Variants in ITPR1 observed in about 807,000 individuals in gnomAD.
ITPR1 encodes the protein inositol 1,4,5-trisphosphate receptor type 1, also known as inositol 1,4,5-trisphosphate-gated calcium channel ITPR1.
ITPR1 carries 96 observed loss-of-function variants against 318.4 expected under a neutral mutation model. The observed-to-expected ratio is 0.30, with a 90% CI of 0.26 to 0.36. The LOEUF is 0.36. Among genes scored for constraint, ITPR1 ranks in the 10% least tolerant of loss-of-function variants. ITPR1 has a pLI of 1.00. For missense variants in ITPR1, 2,440 were observed against 3,460.2 expected, an observed-to-expected ratio of 0.71 and a Z score of 7.40; for synonymous variants, 1,312 against 1,289.9, an observed-to-expected ratio of 1.02 and a Z score of -0.37.
chr3:4,782,867 C>A, intron 50 of ITPR1, 126 bp downstream of exon 50: 1 of 886,936 alleles, frequency 1.1e-6, no homozygotes, highest in Non-Finnish European at 1.5e-6. Flanking sequence ...TACTCATGAG[C>A]CTGCGGCTCA....
intron 4 of ITPR1, among the ~76,000 whole-genome samples, chr3:4,588,726 T>G (rs1198901679): frequency 6.6e-6 from 1 of 152,026 alleles, no homozygotes; most frequent in Admixed American, 6.6e-5. Context: ...TTGAATGGAC[T>G]TCACAGGCAT....
intron 55 of ITPR1, among the ~76,000 whole-genome samples, 157 bp from the exon 56 acceptor site, chr3:4,811,108 A>T (rs2048914200): frequency 1.3e-5 from 2 of 152,042 alleles, no homozygotes; most frequent in African/African-American, 4.8e-5. Context: ...TCTCCGTTTC[A>T]CTGTGAAGCC....
Position 4,680,638 on chromosome 3 carries a change from C to T in ITPR1, c.3053C>T (p.Thr1018Ile). Residue 1018 changes from threonine (T) to isoleucine (I), a missense_variant, in exon 25 of 62, where the codon ACT becomes ATT. Thr to Ile is a moderately conservative substitution (Grantham distance 89, BLOSUM62 -1). This residue lies in a region of ITPR1 where 57 missense variants were observed against 46.2 expected (regional missense o/e 1.23). Transcript: ENST00000649015. ...GAGTTTGATGAAAGCAATTCCCAGACTTCAGAAACATCCTCCGGAAACAGC... is the reference window on the plus strand; with the variant it reads ...GAGTTTGATGAAAGCAATTCCCAGATTTCAGAAACATCCTCCGGAAACAGC... ...KREFDESNSQ[T>I]SETSSGNSSQ... 6.2e-7 allele frequency: 1 copy of T among 1,613,850 alleles called. No individual in the cohort carries two copies. Among genetic ancestry groups the T allele is most frequent in the South Asian group, 1.1e-5 (1 of 91,078 alleles).
chr3:4,799,435 T>TA (rs746846932), intron 53 of ITPR1, among the ~76,000 whole-genome samples: 12 of 152,136 alleles, frequency 7.9e-5, no homozygotes, highest in Non-Finnish European at 1.5e-4. Flanking sequence ...AGGCTGAATC[T>TA]CCGCAGGCGT....
chr3:4,533,750 A>G lies in ITPR1; in HGVS notation c.163+12656A>G, dbSNP rs1260478079. Among the ~76,000 whole-genome samples, 4 of 152,178 alleles carry G rather than the reference A, an allele frequency of 2.6e-5. No homozygotes were observed. In the East Asian group the frequency reaches 7.7e-4, roughly 29 times the overall value. ...TGGGCCTGGTAACCAGCTATGACAG[A>G]GCTTGGGGCTATTAGAAAAGAAGCC... On this transcript the variant is annotated intron_variant, in intron 4 of 61. Coordinates refer to ENST00000649015, the MANE Select transcript of ITPR1 (RefSeq NM_001378452.1).
At chr3:4,782,865 A>G in intron 50 of ITPR1, 124 bp downstream of exon 50, 1 of 899,458 alleles carries the variant, frequency 1.1e-6, no homozygotes, top group Non-Finnish European at 1.5e-6. Flanking sequence ...TGTACTCATG[A>G]GCCTGCGGCT....
At chr3:4,572,403 A>G (rs997788694) in intron 4 of ITPR1, among the ~76,000 whole-genome samples, 2 of 152,130 alleles carry the variant, frequency 1.3e-5, no homozygotes, top group African/African-American at 4.8e-5. Flanking sequence ...CTTTAAAATT[A>G]TATGCATATA....
At chr3:4,658,773 G>A (rs897045591) in intron 13 of ITPR1, among the ~76,000 whole-genome samples, 1 of 151,828 alleles carries the variant, frequency 6.6e-6, no homozygotes, top group Non-Finnish European at 1.5e-5. Context: ...CTTTAGTTTT[G>A]TTGCTTAAGA....
chr3:4,656,951 C>T (rs75049152), intron 12 of ITPR1, among the ~76,000 whole-genome samples: 3,277 of 152,322 alleles, frequency 0.022, 121 homozygotes, highest in African/African-American at 0.075. Flanking sequence ...TCTAAGCCCC[C>T]TCCTTGAATA....
intron 60 of ITPR1, among the ~76,000 whole-genome samples, chr3:4,828,375 G>A (rs1413504969): frequency 3.3e-5 from 5 of 152,218 alleles, no homozygotes; most frequent in Non-Finnish European, 7.3e-5. Context: ...TTGCCTAAGC[G>A]AGATGTCATA....
chr3:4,735,284 G>A lies in ITPR1; in HGVS notation c.5474G>A (p.Ser1825Asn). Residue 1825 changes from serine (S) to asparagine (N), a missense_variant, in exon 44 of 62, where the codon AGT becomes AAT. By Grantham distance (46) the Ser-to-Asn change is conservative. Transcript: ENST00000649015. ...LVIDLIMNAS[S>N]DRVFHESILL... ...ATCGACCTCATCATGAACGCATCCAGTGACCGAGTGTTCCATGAAAGCATT... is the reference window on the plus strand; with the variant it reads ...ATCGACCTCATCATGAACGCATCCAATGACCGAGTGTTCCATGAAAGCATT... The A allele has an allele frequency of 6.2e-7, 1 of 1,613,960 alleles. No individual in the cohort carries two copies. Among genetic ancestry groups the A allele is most frequent in the Non-Finnish European group, 8.5e-7 (1 of 1,179,856 alleles).
chr3:4,535,481 T>C (rs1243807508), intron 4 of ITPR1, among the ~76,000 whole-genome samples: 15 of 146,716 alleles, frequency 1.0e-4, no homozygotes, highest in South Asian at 8.9e-4. Context: ...CTTGCTCTGT[T>C]GCCCAGGCTG....
rs75082032 is a variant in ITPR1, at chr3:4,812,441, T to C, written c.7469-701T>C. Among the ~76,000 whole-genome samples, 4 of 152,288 alleles carry C rather than the reference T, an allele frequency of 2.6e-5. No individual in the cohort carries two copies. The East Asian group carries it at 7.7e-4, about 29-fold the overall frequency. On this transcript the variant is annotated intron_variant, in intron 56 of 61. Transcript: ENST00000649015. ...AGCTCTCTCTGGGGCTTTTTTACTATATGCAGGTTTTACAGTGAGCTCATG... is the reference window on the plus strand; with the variant it reads ...AGCTCTCTCTGGGGCTTTTTTACTACATGCAGGTTTTACAGTGAGCTCATG...
intron 44 of ITPR1, among the ~76,000 whole-genome samples, chr3:4,738,621 T>C (rs2043460012): frequency 6.6e-6 from 1 of 151,862 alleles, no homozygotes; most frequent in South Asian, 2.1e-4. Context: ...GGGGAGACGA[T>C]GTCTGTGGCT....
rs115076415 is a variant in ITPR1 at position 4,767,716 on chromosome 3, T to C, written c.5726-795T>C. 4.9e-3 allele frequency among the ~76,000 whole-genome samples: 740 copies of C among 152,340 alleles called. 5 individuals carry two copies. The highest frequency in any genetic ancestry group is 0.017 in the African/African-American group (687 of 41,574). ...AAAACAATTTTTTGTTTTGTAGAGATGGAATCTCACTATGTTGCCCAAGTT... is the reference window on the plus strand; with the variant it reads ...AAAACAATTTTTTGTTTTGTAGAGACGGAATCTCACTATGTTGCCCAAGTT... On this transcript the variant is annotated intron_variant, in intron 45 of 61. Coordinates refer to ENST00000649015, the MANE Select transcript of ITPR1 (RefSeq NM_001378452.1).
chr3:4,556,934 A>G (rs985975343), intron 4 of ITPR1, among the ~76,000 whole-genome samples: 1 of 152,146 alleles, frequency 6.6e-6, no homozygotes, highest in Non-Finnish European at 1.5e-5. Context: ...TTTACTTAAC[A>G]TTGTGCTGAA....
chr3:4,512,858 A>AATG (rs2081936067), intron 2 of ITPR1, among the ~76,000 whole-genome samples: 1 of 152,156 alleles, frequency 6.6e-6, no homozygotes, highest in Non-Finnish European at 1.5e-5. Flanking sequence ...TGATAATAAT[A>AATG]ATAATAAGAG....
At chr3:4,711,487 G>C (rs1051594958) in intron 38 of ITPR1, 1 of 353,600 alleles carries the variant, frequency 2.8e-6, no homozygotes. Flanking sequence ...CCTCTGTCTC[G>C]GTTCTCCTCT....
intron 4 of ITPR1, among the ~76,000 whole-genome samples, chr3:4,595,452 C>G (rs547642649): frequency 6.6e-6 from 1 of 152,174 alleles, no homozygotes; most frequent in African/African-American, 2.4e-5. Context: ...AGGATCCACC[C>G]CTGTGATCCA....
Sources: allele counts gnomAD v4.1 joint callset (sites outside exome capture counted in the v4.1 genomes callset), GRCh38; gene constraint gnomAD v4.1.1; regional missense constraint gnomAD v4.1.1; transcripts MANE v1.5; gene names NCBI Gene and HGNC (gene_info 2026-07-23, HGNC 2026-07-21).